Variants in NRXN3 observed in about 807,000 individuals in gnomAD.
NRXN3 encodes the protein neurexin 3.
Under a neutral mutation model 137.6 loss-of-function variants are expected in NRXN3, and 32 were observed. That is an observed-to-expected ratio of 0.23 (90% CI 0.18 to 0.31). The LOEUF (loss-of-function observed/expected upper bound fraction) is 0.31. Among genes scored for constraint, NRXN3 ranks in the 10% least tolerant of loss-of-function variants. NRXN3 has a pLI of 1.00. For synonymous variants in NRXN3, 798 were observed against 784.5 expected, an observed-to-expected ratio of 1.02 and a Z score of -0.29; for missense variants, 1,574 against 2,062.5, an observed-to-expected ratio of 0.76 and a Z score of 4.59.
At chr14:79,323,898 G>A (rs901773012) in intron 15 of NRXN3, among the ~76,000 whole-genome samples, 1 of 152,168 alleles carries the variant, frequency 6.6e-6, no homozygotes, top group Non-Finnish European at 1.5e-5. Flanking sequence ...ATAATGGGAT[G>A]CTCCACTTCA....
chr14:78,187,968 T>C (rs1350165226), intron 1 of NRXN3, among the ~76,000 whole-genome samples: 1 of 152,150 alleles, frequency 6.6e-6, no homozygotes, highest in Non-Finnish European at 1.5e-5. Flanking sequence ...ATTCACTGTA[T>C]GCTCTTTAAC....
chr14:78,523,537 C>G (rs1368811838), intron 4 of NRXN3, among the ~76,000 whole-genome samples: 1 of 151,176 alleles, frequency 6.6e-6, no homozygotes, highest in Non-Finnish European at 1.5e-5. Context: ...CGGTGGCTCA[C>G]GCCTGTAATC....
chr14:78,303,182 A>G (rs1291481456), intron 4 of NRXN3, among the ~76,000 whole-genome samples: 1 of 152,218 alleles, frequency 6.6e-6, no homozygotes, highest in East Asian at 1.9e-4. Flanking sequence ...CTGTTTCTCT[A>G]CCTTTTAATA....
At chr14:78,404,059 G>A (rs1470900959) in intron 4 of NRXN3, among the ~76,000 whole-genome samples, 1 of 152,000 alleles carries the variant, frequency 6.6e-6, no homozygotes, top group Non-Finnish European at 1.5e-5. Context: ...AGAAGAGAAA[G>A]GATAACCAAA....
chr14:78,868,704 C>A (rs188917897), intron 10 of NRXN3, among the ~76,000 whole-genome samples: 88 of 152,042 alleles, frequency 5.8e-4, no homozygotes, highest in African/African-American at 2.1e-3. Context: ...GCCTGTAATC[C>A]CAGCTACTCA....
chr14:78,957,313 C>T lies in NRXN3; in HGVS notation c.2347C>T (p.Arg783Trp), dbSNP rs763997346. Reference protein sequence around the residue: ...DNEWHTVRVVRRGKSLKLTVD... With the variant: ...DNEWHTVRVVWRGKSLKLTVD... Reference sequence around the variant, plus strand: ...CGAGTGGCACACCGTTCGGGTGGTGCGGAGAGGAAAAAGCCTTAAGTTAAC... The same window carrying T: ...CGAGTGGCACACCGTTCGGGTGGTGTGGAGAGGAAAAAGCCTTAAGTTAAC... The change falls in exon 11 of 21, where the codon CGG (arginine) becomes TGG (tryptophan). Residue 783 changes from arginine to tryptophan, a missense_variant. This residue lies in a region of NRXN3 where 718 missense variants were observed against 887.6 expected (regional missense o/e 0.81). Transcript: ENST00000335750. The T allele has an allele frequency of 8.7e-6, 14 of 1,613,864 alleles. No homozygotes were observed. Among genetic ancestry groups the T allele is most frequent in the East Asian group, 2.2e-5 (1 of 44,878 alleles).
At chr14:78,845,292 G>GT (rs1043378405) in intron 10 of NRXN3, among the ~76,000 whole-genome samples, 3 of 151,980 alleles carry the variant, frequency 2.0e-5, no homozygotes, top group African/African-American at 4.8e-5. Context: ...TAATTTTACA[G>GT]TTTTTTATAT....
chr14:79,217,365 A>G (rs776281382), intron 15 of NRXN3, among the ~76,000 whole-genome samples: 2 of 152,104 alleles, frequency 1.3e-5, no homozygotes, highest in Non-Finnish European at 2.9e-5. Context: ...ATGAATTTGC[A>G]GAGAGAACTC....
chr14:78,834,886 G>A (rs1374239989), intron 10 of NRXN3, among the ~76,000 whole-genome samples: 1 of 152,150 alleles, frequency 6.6e-6, no homozygotes, highest in Non-Finnish European at 1.5e-5. Context: ...GAAGAAAAGA[G>A]AGAGAGGATG....
chr14:78,770,794 G>A (rs190325031), intron 8 of NRXN3, among the ~76,000 whole-genome samples: 2 of 152,234 alleles, frequency 1.3e-5, no homozygotes, highest in East Asian at 3.9e-4. Flanking sequence ...GGACATGATG[G>A]ATACAGGGGG....
chr14:79,418,629 T>C (rs2095531825), intron 15 of NRXN3, among the ~76,000 whole-genome samples: 1 of 151,950 alleles, frequency 6.6e-6, no homozygotes, highest in Admixed American at 6.6e-5. Flanking sequence ...CAGCAGTCAA[T>C]AAAAATAAGG....
At chr14:79,348,359 T>A (rs562818475) in intron 15 of NRXN3, among the ~76,000 whole-genome samples, 1 of 150,964 alleles carries the variant, frequency 6.6e-6, no homozygotes, top group East Asian at 2.0e-4. Context: ...GGTAGTTAGT[T>A]TTATAGTTAA....
intron 19 of NRXN3, among the ~76,000 whole-genome samples, chr14:79,794,015 A>G (rs6574522): frequency 0.1 from 15,342 of 152,244 alleles, 1,067 homozygotes; most frequent in African/African-American, 0.19. Flanking sequence ...CTACCGATGC[A>G]TCAGGTAGAA....
chr14:79,217,607 T>C lies in NRXN3; in HGVS notation c.3262+229466T>C, dbSNP rs527576243. Among the ~76,000 whole-genome samples, 12 of 152,308 alleles carry C rather than the reference T, an allele frequency of 7.9e-5. No individual in the cohort carries two copies. The East Asian group carries it at 2.3e-3, about 29-fold the overall frequency. ...TTATCAAAAAGTGGAAATAGTAATA[T>C]CTAGGCAGGTTAGCATACATAAGTG... On this transcript the variant is annotated intron_variant, in intron 15 of 20. Coordinates refer to ENST00000335750, the MANE Select transcript of NRXN3 (RefSeq NM_001330195.2).
intron 4 of NRXN3, among the ~76,000 whole-genome samples, chr14:78,556,028 G>T (rs1056992060): frequency 6.6e-6 from 1 of 152,158 alleles, no homozygotes; most frequent in Non-Finnish European, 1.5e-5. Flanking sequence ...TTTTTCAAAG[G>T]CAAGGTTCCT....
intron 4 of NRXN3, among the ~76,000 whole-genome samples, chr14:78,469,736 G>A (rs138685267): frequency 9.0e-4 from 137 of 152,304 alleles, no homozygotes; most frequent in African/African-American, 3.1e-3. Context: ...TGATGCTATT[G>A]AAACCCCTGT....
chr14:78,801,172 T>C (rs1293552964), intron 8 of NRXN3, among the ~76,000 whole-genome samples: 1 of 152,034 alleles, frequency 6.6e-6, no homozygotes, highest in Non-Finnish European at 1.5e-5. Flanking sequence ...ATACAAAAAA[T>C]TAGCCGCACA....
chr14:79,161,438 C>G (rs1412991650), intron 15 of NRXN3, among the ~76,000 whole-genome samples: 2 of 151,900 alleles, frequency 1.3e-5, no homozygotes, highest in East Asian at 3.9e-4. Flanking sequence ...TTGCTTCAAT[C>G]AACATTCTCC....
chr14:79,095,838 C>T (rs1304783150), intron 15 of NRXN3, among the ~76,000 whole-genome samples: 1 of 152,066 alleles, frequency 6.6e-6, no homozygotes, highest in East Asian at 1.9e-4. Context: ...ATATTTCCTT[C>T]CTTCCTACTG....
Sources: gnomAD v4.1 joint callset for allele counts (sites outside exome capture counted in the v4.1 genomes callset) on GRCh38, gnomAD v4.1.1 for gene constraint, gnomAD v4.1.1 regional missense constraint, MANE v1.5 for transcripts, NCBI Gene and HGNC (gene_info 2026-07-23, HGNC 2026-07-21) for gene names.